HIVEP3: variants seen among roughly 807,000 people sequenced by gnomAD.
The protein encoded by HIVEP3 is HIVEP zinc finger 3.
A neutral mutation model predicts 152.8 loss-of-function variants in HIVEP3; 49 were observed. The observed-to-expected ratio is 0.32, with a 90% CI of 0.26 to 0.41. The LOEUF (loss-of-function observed/expected upper bound fraction) is 0.41. HIVEP3 is among the 10% of genes least tolerant of loss of function. The pLI, the probability that HIVEP3 is intolerant of heterozygous loss-of-function variation, is 1.00. For missense variants in HIVEP3, 2,790 were observed against 3,103.3 expected, an observed-to-expected ratio of 0.90 and a Z score of 2.40; for synonymous variants, 1,269 against 1,289.0, an observed-to-expected ratio of 0.98 and a Z score of 0.33.
chr1:42,019,089 A>G (rs912139701), intron 1 of HIVEP3, among the ~76,000 whole-genome samples: 1 of 152,052 alleles, frequency 6.6e-6, no homozygotes. Flanking sequence ...TTCCTCCCCA[A>G]TAGGGCCATT....
At chr1:41,943,639 T>C (rs1645059021) in intron 1 of HIVEP3, among the ~76,000 whole-genome samples, 1 of 152,236 alleles carries the variant, frequency 6.6e-6, no homozygotes, top group Non-Finnish European at 1.5e-5. Flanking sequence ...CATACTTCTT[T>C]GAGAATGGAA....
intron 3 of HIVEP3, among the ~76,000 whole-genome samples, chr1:41,586,306 G>A (rs1042128114): frequency 3.3e-5 from 5 of 152,102 alleles, no homozygotes; most frequent in African/African-American, 4.8e-5. Flanking sequence ...GAACAGGGTC[G>A]GAATCCCAAG....
intron 3 of HIVEP3, among the ~76,000 whole-genome samples, chr1:41,619,573 G>A (rs994889788): frequency 5.9e-5 from 9 of 152,290 alleles, no homozygotes; most frequent in Admixed American, 3.9e-4. Flanking sequence ...AAGTAGGGCC[G>A]AAGGTAAGGA....
chr1:41,859,307 G>C (rs1488557263), intron 1 of HIVEP3, among the ~76,000 whole-genome samples: 1 of 152,110 alleles, frequency 6.6e-6, no homozygotes, highest in Non-Finnish European at 1.5e-5. Flanking sequence ...TAAATGAATG[G>C]GTTTTAAAAA....
At chr1:41,540,126 T>C (rs1045571150) in intron 5 of HIVEP3, among the ~76,000 whole-genome samples, 2 of 152,226 alleles carry the variant, frequency 1.3e-5, no homozygotes, top group East Asian at 1.9e-4. Flanking sequence ...CCATTGGGGC[T>C]GTGCGGGGCA....
chr1:41,591,596 C>T (rs1318733302), intron 3 of HIVEP3, among the ~76,000 whole-genome samples: 1 of 151,988 alleles, frequency 6.6e-6, no homozygotes, highest in Non-Finnish European at 1.5e-5. Flanking sequence ...CCACCAGATC[C>T]ATCTTCCTGA....
chr1:41,720,442 G>A (rs1466925060), intron 1 of HIVEP3, among the ~76,000 whole-genome samples: 1 of 152,216 alleles, frequency 6.6e-6, no homozygotes, highest in African/African-American at 2.4e-5. Context: ...CCCAGTTCCA[G>A]CACTGAATAT....
At chr1:41,935,381 T>C (rs972870419) in intron 1 of HIVEP3, among the ~76,000 whole-genome samples, 3 of 152,176 alleles carry the variant, frequency 2.0e-5, no homozygotes, top group African/African-American at 4.8e-5. Context: ...CTGTGGCCCA[T>C]TGAGTATTTC....
intron 1 of HIVEP3, among the ~76,000 whole-genome samples, chr1:41,795,204 T>A (rs1475497932): frequency 6.6e-6 from 1 of 152,242 alleles, no homozygotes; most frequent in East Asian, 1.9e-4. Flanking sequence ...TCTCCTTAAC[T>A]GTCCTCTGGT....
intron 1 of HIVEP3, among the ~76,000 whole-genome samples, chr1:41,896,001 C>T (rs547539458): frequency 2.0e-5 from 3 of 152,318 alleles, no homozygotes; most frequent in African/African-American, 7.2e-5. Context: ...TTATATACAA[C>T]ATATTACACA....
chr1:41,737,186 G>A (rs710234), intron 1 of HIVEP3, among the ~76,000 whole-genome samples: 21,221 of 152,176 alleles, frequency 0.14, 4,171 homozygotes, highest in African/African-American at 0.43. Flanking sequence ...TACAAGCTAC[G>A]TGGGCTCAGA....
intron 2 of HIVEP3, among the ~76,000 whole-genome samples, chr1:41,663,632 C>T (rs76506633): frequency 0.01 from 1,524 of 152,290 alleles, 18 homozygotes; most frequent in African/African-American, 0.034. Context: ...ATAGACTCCT[C>T]CCAGACCCCC....
rs181843729 is a variant in HIVEP3 at position 41,983,097 on chromosome 1, C to T, written n.119+52710G>A. ...ATAGGGTTCACACCCCTACGAGAAT[C>T]TAATGCCCTGCTCATCTGACAGGAG... On this transcript the variant is annotated intron_variant and non_coding_transcript_variant, in intron 1 of 3. Coordinates refer to the HIVEP3 transcript ENST00000489103. Among the ~76,000 whole-genome samples the T allele has an allele frequency of 9.1e-4, 139 of 152,340 alleles. 2 individuals carry two copies. The Middle Eastern group carries it at 0.014, about 15-fold the overall frequency.
At chr1:41,778,121 T>C (rs1325812424) in intron 1 of HIVEP3, among the ~76,000 whole-genome samples, 4 of 152,188 alleles carry the variant, frequency 2.6e-5, no homozygotes, top group Admixed American at 2.6e-4. Flanking sequence ...ACGCACTTCA[T>C]TGACCGAAAA....
At chr1:41,781,678 G>A (rs960481526) in intron 1 of HIVEP3, among the ~76,000 whole-genome samples, 1 of 152,216 alleles carries the variant, frequency 6.6e-6, no homozygotes, top group Non-Finnish European at 1.5e-5. Context: ...ATAGAGAAAG[G>A]TGTTCTGGCT....
At chr1:41,928,094 A>G (rs565619391) in intron 1 of HIVEP3, among the ~76,000 whole-genome samples, 3 of 151,182 alleles carry the variant, frequency 2.0e-5, no homozygotes, top group South Asian at 2.1e-4. Context: ...TTGTAAAAGC[A>G]TGTATTGCTT....
intron 5 of HIVEP3, among the ~76,000 whole-genome samples, chr1:41,544,712 TACCACCTGTACCACCACCGCTACCATC>T (rs1558045710): frequency 2.7e-4 from 11 of 41,342 alleles, no homozygotes; most frequent in African/African-American, 1.0e-3. Context: ...CCACCACCAC[TACCACCTGTACCACCACCGCTACCATC>T]ACCACCACTA....
At chr1:41,672,859 C>T (rs1226635498) in intron 2 of HIVEP3, among the ~76,000 whole-genome samples, 9 of 152,086 alleles carry the variant, frequency 5.9e-5, no homozygotes, top group African/African-American at 2.2e-4. Context: ...TAAACACTTA[C>T]GTAAAGAGAT....
chr1:41,712,015 C>T (rs80316529), intron 1 of HIVEP3, among the ~76,000 whole-genome samples: 2,037 of 152,302 alleles, frequency 0.013, 46 homozygotes, highest in African/African-American at 0.047. Flanking sequence ...CCCAGAATGT[C>T]ACTGAGGGAG....
Sources: allele counts gnomAD v4.1 joint callset (sites outside exome capture counted in the v4.1 genomes callset), GRCh38; gene constraint gnomAD v4.1.1; transcripts MANE v1.5; gene names NCBI Gene and HGNC (gene_info 2026-07-23, HGNC 2026-07-21).